RNFT2: variants seen among roughly 807,000 people sequenced by gnomAD.
RNFT2 encodes the protein E3 ubiquitin-protein ligase RNFT2.
In RNFT2, 36 loss-of-function variants were observed where a neutral mutation model predicts 53.0. The observed-to-expected ratio is 0.68, with a 90% confidence interval of 0.52 to 0.90. RNFT2 has a LOEUF of 0.90. Ranked by LOEUF, RNFT2 falls within the 40% of genes least tolerant of loss-of-function variation. The pLI, the probability that RNFT2 is intolerant of heterozygous loss-of-function variation, is 0.00. For missense variants in RNFT2, 514 were observed against 585.6 expected, an observed-to-expected ratio of 0.88 and a Z score of 1.26; for synonymous variants, 260 against 253.2, an observed-to-expected ratio of 1.03 and a Z score of -0.26.
Position 116,853,244 on chromosome 12 carries a change from C to T in RNFT2, c.*3796C>T. ...TCTTTTATGTATCTTGGTTCTGCAA[C>T]TCATTTGTTGTAAGTAGGGTTAATC... On this transcript the variant is annotated 3_prime_UTR_variant, in exon 11 of 11. Transcript: ENST00000257575. The T allele has an allele frequency of 2.5e-6, 1 of 398,952 alleles. No homozygotes were observed. The highest frequency in any genetic ancestry group is 4.4e-6 in the Non-Finnish European group (1 of 226,346). The allele number at this position is 398,952 out of a possible 1,614,324, so 24.7% of individuals were successfully genotyped here.
chr12:116,829,405 T>G (rs1418932560), intron 7 of RNFT2, among the ~76,000 whole-genome samples: 1 of 152,126 alleles, frequency 6.6e-6, no homozygotes, highest in Non-Finnish European at 1.5e-5. Context: ...TTTCTGGGGC[T>G]CAGGGACTGG....
chr12:116,767,552 G>A (rs117411656), intron 6 of RNFT2, among the ~76,000 whole-genome samples: 2,973 of 151,302 alleles, frequency 0.02, 48 homozygotes, highest in Middle Eastern at 0.039. Context: ...ACATACGATC[G>A]ATATAAAAAT....
At chr12:116,846,768 A>T (rs988568974) in intron 10 of RNFT2, among the ~76,000 whole-genome samples, 1 of 150,508 alleles carries the variant, frequency 6.6e-6, no homozygotes, top group Non-Finnish European at 1.5e-5. Context: ...TTTGACATCA[A>T]TTTTTTTTTC....
In RNFT2 at chr12:116,750,269, T is replaced by C. The variant is rs1191509733; in HGVS notation, c.512T>C (p.Leu171Pro). The C allele has an allele frequency of 6.2e-7, 1 of 1,606,030 alleles. No individual in the cohort carries two copies. The highest frequency in any genetic ancestry group is 8.5e-7 in the Non-Finnish European group (1 of 1,179,494). ...CTCCAGAAAGGACTCCCCTTCATCC[T>C]GATCCTCCTGGCCAAACTGTGCTTT... ...CWLQKGLPFI[L>P]ILLAKLCFQH... The change falls in exon 4 of 11, where the codon CTG becomes CCG. Residue 171 changes from leucine (L) to proline (P), a missense_variant. Around this residue, in one of 3 missense-constraint regions of RNFT2, gnomAD observed 237 missense variants for 235.1 expected, o/e 1.01. Transcript: ENST00000257575.
intron 5 of RNFT2, among the ~76,000 whole-genome samples, chr12:116,765,657 G>A (rs757584423): frequency 6.6e-6 from 1 of 152,280 alleles, no homozygotes; most frequent in East Asian, 1.9e-4. Context: ...TAGGATTGCT[G>A]TCAGGCTATG....
intron 5 of RNFT2, among the ~76,000 whole-genome samples, chr12:116,754,643 G>A (rs1872414783): frequency 6.6e-6 from 1 of 152,154 alleles, no homozygotes; most frequent in African/African-American, 2.4e-5. Context: ...ATTCACACTA[G>A]CATCTATTGT....
At position 116,849,386 on chromosome 12, in the gene RNFT2, G is replaced by A. The variant is rs374408722; in HGVS notation, c.1273G>A (p.Ala425Thr). 1.0e-5 allele frequency: 16 copies of A among 1,563,532 alleles called. No individual in the cohort carries two copies. The African/African-American group carries it at 1.6e-4, about 16-fold the overall frequency. The change falls in exon 11 of 11, where the codon GCC becomes ACC. Residue 425 changes from alanine (A) to threonine (T), a missense_variant. Ala to Thr is a moderately conservative substitution (Grantham distance 58, BLOSUM62 0). Around this residue, in one of 3 missense-constraint regions of RNFT2, gnomAD observed 273 missense variants for 334.4 expected, o/e 0.82. Transcript: ENST00000257575. ...ERTCPLCRSVAVDTLRCWKDG... is the reference protein window; with the variant it reads ...ERTCPLCRSVTVDTLRCWKDG... ...CACCTGCCCGCTCTGCCGCTCGGTC[G>A]CCGTGGACACCCTGCGCTGCTGGAA...
At chr12:116,827,208 A>G (rs898530647) in intron 7 of RNFT2, among the ~76,000 whole-genome samples, 6 of 147,592 alleles carry the variant, frequency 4.1e-5, no homozygotes, top group Admixed American at 1.4e-4. Context: ...CAACAGGGTG[A>G]GACTCCATCT....
intron 4 of RNFT2, among the ~76,000 whole-genome samples, chr12:116,752,695 T>C (rs544577265): frequency 8.5e-5 from 13 of 152,228 alleles, no homozygotes; most frequent in Admixed American, 3.3e-4. Flanking sequence ...CTGGCCAACA[T>C]GGTGAAACCC....
chr12:116,783,919 C>T (rs1434257043), intron 7 of RNFT2, among the ~76,000 whole-genome samples: 1 of 152,196 alleles, frequency 6.6e-6, no homozygotes, highest in African/African-American at 2.4e-5. Context: ...GGCCACTGTC[C>T]CAAGTACTTT....
chr12:116,742,763 A>G (rs886641213), intron 3 of RNFT2, among the ~76,000 whole-genome samples: 1 of 152,144 alleles, frequency 6.6e-6, no homozygotes, highest in African/African-American at 2.4e-5. Flanking sequence ...CCTAGGTGAC[A>G]TGAGGAGATC....
chr12:116,818,366 G>T (rs1342417410), intron 7 of RNFT2, among the ~76,000 whole-genome samples: 4 of 151,960 alleles, frequency 2.6e-5, no homozygotes, highest in African/African-American at 9.7e-5. Context: ...ACCTGGGCTG[G>T]TAATATCCCT....
chr12:116,802,932 CA>C (rs60974249), intron 7 of RNFT2, among the ~76,000 whole-genome samples: 176 of 140,424 alleles, frequency 1.3e-3, no homozygotes, highest in Admixed American at 1.3e-3. Flanking sequence ...CTGTCTCTAC[CA>C]AAAAAAAAAA....
intron 10 of RNFT2, among the ~76,000 whole-genome samples, chr12:116,839,486 G>C (rs117600660): frequency 0.01 from 1,574 of 150,762 alleles, 22 homozygotes; most frequent in East Asian, 0.052. Flanking sequence ...TGATGGACAG[G>C]TGGAGAAGTT....
chr12:116,847,641 C>G lies in RNFT2; in HGVS notation c.1201-1673C>G, dbSNP rs561984999. 4.6e-4 allele frequency among the ~76,000 whole-genome samples: 70 copies of G among 152,030 alleles called. 1 individual carries two copies. The highest frequency in any genetic ancestry group is 1.6e-3 in the African/African-American group (67 of 41,466). On this transcript the variant is annotated intron_variant, in intron 10 of 10. Transcript: ENST00000257575. ...CTCCAGGGTTCAAGTGATTCTCCTG[C>G]CTCAGCTTCCCGAGTAGCTGGGATT... is the stretch of plus-strand genomic sequence containing the variant.
At chr12:116,750,466 C>G (rs1204498790) in intron 4 of RNFT2, among the ~76,000 whole-genome samples, 159 bp downstream of exon 4, 1 of 152,158 alleles carries the variant, frequency 6.6e-6, no homozygotes, top group Non-Finnish European at 1.5e-5. Context: ...GGGTTCAAAT[C>G]CTGGCCGACT....
At chr12:116,838,118 T>A (rs116394982) in intron 10 of RNFT2, among the ~76,000 whole-genome samples, 10 of 152,324 alleles carry the variant, frequency 6.6e-5, no homozygotes, top group African/African-American at 2.2e-4. Flanking sequence ...CTCCTTATCC[T>A]ATTTTATAGC....
intron 7 of RNFT2, among the ~76,000 whole-genome samples, chr12:116,811,940 C>G (rs1375690566): frequency 1.3e-5 from 2 of 152,176 alleles, no homozygotes; most frequent in African/African-American, 4.8e-5. Context: ...TGGTTTGAAT[C>G]CTGCCTTTGC....
intron 7 of RNFT2, among the ~76,000 whole-genome samples, chr12:116,819,656 C>T (rs1419113587): frequency 6.6e-6 from 1 of 152,212 alleles, no homozygotes. Flanking sequence ...CAACGCGCGG[C>T]CACCAGCCCC....
Sources: gnomAD v4.1 joint callset for allele counts (sites outside exome capture counted in the v4.1 genomes callset) on GRCh38, gnomAD v4.1.1 for gene constraint, gnomAD v4.1.1 regional missense constraint, MANE v1.5 for transcripts, NCBI Gene and HGNC (gene_info 2026-07-23, HGNC 2026-07-21) for gene names.